SPHKAP: variants seen among roughly 807,000 people sequenced by gnomAD.
The protein encoded by SPHKAP is A-kinase anchor protein SPHKAP.
A neutral mutation model predicts 137.5 loss-of-function variants in SPHKAP; 67 were observed. The observed-to-expected ratio is 0.49, with a 90% confidence interval of 0.40 to 0.60. SPHKAP has a LOEUF of 0.60. SPHKAP is among the 20% of genes least tolerant of loss of function. SPHKAP has a pLI of 0.00. For missense variants in SPHKAP, 2,097 were observed against 2,069.3 expected (o/e 1.01, Z -0.26); for synonymous variants, 813 against 785.3 (o/e 1.04, Z -0.59).
At chr2:228,000,151 A>G (rs1208537744) in intron 7 of SPHKAP, among the ~76,000 whole-genome samples, 1 of 152,210 alleles carries the variant, frequency 6.6e-6, no homozygotes, top group Non-Finnish European at 1.5e-5. Flanking sequence ...AGACTGTCAT[A>G]TAGTTGGAAT....
intron 1 of SPHKAP, among the ~76,000 whole-genome samples, chr2:228,158,104 CTG>C (rs1700162249): frequency 6.6e-6 from 1 of 152,074 alleles, no homozygotes; most frequent in Admixed American, 6.6e-5. Context: ...TCTTCCATGA[CTG>C]TGCACTCAAG....
At chr2:228,001,340 T>C (rs1453696509) in intron 7 of SPHKAP, among the ~76,000 whole-genome samples, 1 of 143,070 alleles carries the variant, frequency 7.0e-6, no homozygotes, top group Non-Finnish European at 1.5e-5. Flanking sequence ...CATATATAAA[T>C]ATATATACAC....
rs892204863 is a variant in SPHKAP at position 228,132,140 on chromosome 2, G to A, written c.33-55C>T. The A allele has an allele frequency of 4.3e-6, 6 of 1,401,546 alleles. No individual in the cohort carries two copies. The Admixed American group carries it at 5.1e-5, about 12-fold the overall frequency. The allele number at this position is 1,401,546 out of a possible 1,614,324, so 86.8% of individuals were successfully genotyped here. A position where few individuals can be genotyped will look rare whatever the true frequency, so the allele number is the denominator to read the frequency against. On this transcript the variant is annotated intron_variant, in intron 1 of 11. Coordinates refer to ENST00000392056, the MANE Select transcript of SPHKAP (RefSeq NM_001142644.2). ...TTCCAGTGAGTCATATCTATATTTG[G>A]AAATAAATAATAAGTAAATCACAAC...
intron 2 of SPHKAP, among the ~76,000 whole-genome samples, chr2:228,119,479 T>G (rs1414339308): frequency 1.3e-5 from 1 of 75,968 alleles, no homozygotes; most frequent in African/African-American, 4.2e-5. Context: ...ACACTCTCTC[T>G]CTCTCTCTCT....
intron 11 of SPHKAP, among the ~76,000 whole-genome samples, chr2:227,988,153 A>G (rs2106156577): frequency 6.6e-6 from 1 of 152,320 alleles, no homozygotes; most frequent in Admixed American, 6.5e-5. Context: ...TGATAAAAGA[A>G]AGATTATCAA....
intron 3 of SPHKAP, among the ~76,000 whole-genome samples, chr2:228,077,996 G>A (rs903906911): frequency 1.3e-5 from 2 of 152,128 alleles, no homozygotes; most frequent in African/African-American, 4.8e-5. Context: ...TTTAAAAATG[G>A]GAGTTTCCCT....
At chr2:228,031,066 G>A (rs1379782367) in intron 3 of SPHKAP, among the ~76,000 whole-genome samples, 1 of 152,186 alleles carries the variant, frequency 6.6e-6, no homozygotes, top group Non-Finnish European at 1.5e-5. Flanking sequence ...AGGAGGGCGA[G>A]GTGTTGCCTC....
rs1254832406 is a variant in SPHKAP at position 227,995,545 on chromosome 2, G to C, written c.4598C>G (p.Thr1533Arg). 1.2e-6 allele frequency: 2 copies of C among 1,614,134 alleles called. No individual in the cohort carries two copies. Among genetic ancestry groups the C allele is most frequent in the East Asian group, 2.2e-5 (1 of 44,870 alleles). The change falls in exon 8 of 12, where the codon ACA becomes AGA. Residue 1533 changes from threonine (T) to arginine (R), a missense_variant. Physicochemically the swap from Thr to Arg is moderately conservative, Grantham distance 71. Transcript: ENST00000392056. ...LANEEDNPDD[T>R]SSFLQLSERS... ...CTCACTGAGCTGGAGAAAGCTACTT[G>C]TGTCATCTGGGTTGTCTTCCTCATT...
chr2:228,168,254 G>A (rs1700478521), intron 1 of SPHKAP, among the ~76,000 whole-genome samples: 1 of 152,008 alleles, frequency 6.6e-6, no homozygotes, highest in South Asian at 2.1e-4. Context: ...GAAAATGATT[G>A]CTCTATAGAC....
In SPHKAP at chr2:228,072,205, C is replaced by A. The variant is rs186454575; in HGVS notation, c.246+36627G>T. On this transcript the variant is annotated intron_variant, in intron 3 of 11. Transcript: ENST00000392056. ...GGAATCTATGCCATCAGCTCTCAGG[C>A]CTTTGAATTGCACTGCTGGCTTTCC... Among the ~76,000 whole-genome samples the A allele has an allele frequency of 3.4e-3, 512 of 152,258 alleles. 1 individual carries two copies. The highest frequency in any genetic ancestry group is 0.012 in the African/African-American group (483 of 41,548).
At chr2:228,008,461 A>C (rs1694226611) in intron 7 of SPHKAP, among the ~76,000 whole-genome samples, 1 of 151,778 alleles carries the variant, frequency 6.6e-6, no homozygotes, top group African/African-American at 2.4e-5. Context: ...CACCCAACTA[A>C]TTTTTGTATT....
At chr2:228,077,499 T>C (rs1697223461) in intron 3 of SPHKAP, among the ~76,000 whole-genome samples, 1 of 152,198 alleles carries the variant, frequency 6.6e-6, no homozygotes, top group African/African-American at 2.4e-5. Context: ...GGAGACCATA[T>C]TGGAACTTGA....
chr2:228,105,600 T>G (rs151023374), intron 3 of SPHKAP, among the ~76,000 whole-genome samples: 256 of 152,338 alleles, frequency 1.7e-3, no homozygotes, highest in African/African-American at 5.8e-3. Flanking sequence ...AATCTCATCT[T>G]GAATTGTAGC....
chr2:228,002,188 A>G (rs1240413495), intron 7 of SPHKAP, among the ~76,000 whole-genome samples: 1 of 152,184 alleles, frequency 6.6e-6, no homozygotes, highest in Non-Finnish European at 1.5e-5. Context: ...TCCCACCAAC[A>G]GTGTAAAAGT....
rs567330112 is a variant in SPHKAP, at chr2:228,095,443, T to A, written c.246+13389A>T. Among the ~76,000 whole-genome samples the A allele has an allele frequency of 5.9e-5, 9 of 152,228 alleles. No individual in the cohort carries two copies. The South Asian group carries it at 8.3e-4, about 14-fold the overall frequency. On this transcript the variant is annotated intron_variant, in intron 3 of 11. Transcript: ENST00000392056. ...AATGATCCCAAAGGCAGGAGAAGAA[T>A]TAAAGAGAGACTAGTGTTTTTAAAG... is the stretch of plus-strand genomic sequence containing the variant.
intron 1 of SPHKAP, among the ~76,000 whole-genome samples, chr2:228,176,211 G>A (rs1700735684): frequency 6.6e-6 from 1 of 152,166 alleles, no homozygotes; most frequent in African/African-American, 2.4e-5. Context: ...GTATAATGCT[G>A]CTTTCCACCT....
At chr2:228,158,432 G>A (rs978105250) in intron 1 of SPHKAP, among the ~76,000 whole-genome samples, 1 of 150,992 alleles carries the variant, frequency 6.6e-6, no homozygotes, top group Non-Finnish European at 1.5e-5. Context: ...AAAGTAGCCA[G>A]GAGTGGGAAG....
chr2:228,023,405 A>G (rs1687004717), intron 5 of SPHKAP, among the ~76,000 whole-genome samples: 1 of 152,198 alleles, frequency 6.6e-6, no homozygotes. Context: ...GATCTACTCA[A>G]TCAGAATCTG....
At chr2:228,114,400 A>C (rs1338044844) in intron 2 of SPHKAP, among the ~76,000 whole-genome samples, 2 of 152,154 alleles carry the variant, frequency 1.3e-5, no homozygotes, top group Non-Finnish European at 2.9e-5. Context: ...ATATTTTTTA[A>C]GTAATTTAAA....
Sources: gnomAD v4.1 joint callset for allele counts (sites outside exome capture counted in the v4.1 genomes callset) on GRCh38, gnomAD v4.1.1 for gene constraint, MANE v1.5 for transcripts, NCBI Gene and HGNC (gene_info 2026-07-23, HGNC 2026-07-21) for gene names.